GALC: variants seen among roughly 807,000 people sequenced by gnomAD.
GALC encodes the protein galactosylceramidase, also known as galactocerebrosidase.
Under a neutral mutation model 91.8 loss-of-function variants are expected in GALC, and 77 were observed. The ratio of observed to expected loss-of-function variants is 0.84; its 90% CI spans 0.70 to 1.01. The LOEUF (loss-of-function observed/expected upper bound fraction) is 1.01. Ranked by LOEUF, GALC falls within the 50% of genes least tolerant of loss-of-function variation. The probability of loss-of-function intolerance (pLI) is 0.00; values close to 1 mark genes in which losing one functional copy is unlikely to be tolerated. For missense variants in GALC, 882 were observed against 855.9 expected, an observed-to-expected ratio of 1.03 and a Z score of -0.38; for synonymous variants, 357 against 306.7, an observed-to-expected ratio of 1.16 and a Z score of -1.71.
chr14:87,989,313 T>C (rs1567015422), intron 1 of GALC, among the ~76,000 whole-genome samples: 2 of 152,150 alleles, frequency 1.3e-5, no homozygotes, highest in South Asian at 2.1e-4. Context: ...AATACTTTTA[T>C]GGGGTTCAAC....
intron 16 of GALC, among the ~76,000 whole-genome samples, chr14:87,937,264 C>A (rs1479274695): frequency 2.9e-5 from 3 of 103,652 alleles, no homozygotes; most frequent in Non-Finnish European, 6.0e-5. Context: ...GACAAGGTCC[C>A]TGCTCTTATG....
At chr14:87,980,094 C>T (rs1166234460) in intron 6 of GALC, among the ~76,000 whole-genome samples, 2 of 152,032 alleles carry the variant, frequency 1.3e-5, no homozygotes, top group African/African-American at 4.8e-5. Flanking sequence ...TAAAATATGC[C>T]ATTATTGGCT....
chr14:87,933,950 C>T lies in GALC; in HGVS notation c.*782G>A, dbSNP rs941039886. 2.2e-5 allele frequency: 34 copies of T among 1,524,194 alleles called. No individual in the cohort carries two copies. Among genetic ancestry groups the T allele is most frequent in the African/African-American group, 1.9e-4 (14 of 72,696 alleles). The allele number at this position is 1,524,194 out of a possible 1,614,324, so 94.4% of individuals were successfully genotyped here. Reference sequence around the variant, plus strand: ...GCACAGTGAGATGAGGCTGAGGAAACGACTACAACAGCATTGGCTATATCA... The same window carrying T: ...GCACAGTGAGATGAGGCTGAGGAAATGACTACAACAGCATTGGCTATATCA... On this transcript the variant is annotated 3_prime_UTR_variant, in exon 17 of 17. Transcript: ENST00000261304.
intron 12 of GALC, among the ~76,000 whole-genome samples, chr14:87,948,259 T>C (rs17123933): frequency 0.095 from 14,446 of 151,966 alleles, 907 homozygotes; most frequent in African/African-American, 0.17. Flanking sequence ...GGTAAAAAAA[T>C]TCATAAAATA....
Position 87,963,434 on chromosome 14 carries a change from C to T in GALC, c.1111G>A (p.Val371Ile), listed in dbSNP as rs1482369082. The T allele has an allele frequency of 2.5e-6, 4 of 1,613,376 alleles. No homozygotes were observed. Among genetic ancestry groups the T allele is most frequent in the African/African-American group, 1.3e-5 (1 of 74,992 alleles). ...VGHLEKGGSYVALTDGLGNLT... is the reference protein window; with the variant it reads ...VGHLEKGGSYIALTDGLGNLT... Reference sequence around the variant, plus strand: ...TTCCCTAAGCCATCAGTCAGAGCTACGTAGCTTCCTCCTTTCTCTAAATGG... The same window carrying T: ...TTCCCTAAGCCATCAGTCAGAGCTATGTAGCTTCCTCCTTTCTCTAAATGG... The change falls in exon 10 of 17, where the codon GTA becomes ATA. Residue 371 changes from valine to isoleucine, a missense_variant. Transcript: ENST00000261304.
intron 5 of GALC, 126 bp from the exon 6 acceptor site, chr14:87,982,369 TG>T (rs1886787359): frequency 1.6e-6 from 1 of 631,692 alleles, no homozygotes; most frequent in South Asian, 2.0e-5. Context: ...TTTAACTTTA[TG>T]GGATATCCTG....
Position 87,934,637 on chromosome 14 carries a change from T to C in GALC, c.*95A>G. ...TTCATTATTTTTAGTCTCAAAAGCCTCATATACTGTTCCAATGAAACAAGA... is the reference window on the plus strand; with the variant it reads ...TTCATTATTTTTAGTCTCAAAAGCCCCATATACTGTTCCAATGAAACAAGA... On this transcript the variant is annotated 3_prime_UTR_variant, in exon 17 of 17. Transcript: ENST00000261304. 6.2e-7 allele frequency: 1 copy of C among 1,603,018 alleles called. No individual in the cohort carries two copies. The highest frequency in any genetic ancestry group is 2.2e-5 in the East Asian group (1 of 44,518).
chr14:87,968,909 G>C (rs1345718790), intron 7 of GALC, among the ~76,000 whole-genome samples: 1 of 152,060 alleles, frequency 6.6e-6, no homozygotes, highest in Non-Finnish European at 1.5e-5. Flanking sequence ...GGAGCTTGGG[G>C]CAATAGTAAA....
chr14:87,940,055 G>A, intron 15 of GALC, 74 bp from the exon 16 acceptor site: 6 of 1,180,210 alleles, frequency 5.1e-6, no homozygotes, highest in South Asian at 1.2e-5. Flanking sequence ...ATTCAGTGGG[G>A]TTCTTGAGTG....
intron 1 of GALC, among the ~76,000 whole-genome samples, chr14:87,988,842 C>T (rs1887078747): frequency 6.6e-6 from 1 of 152,234 alleles, no homozygotes; most frequent in African/African-American, 2.4e-5. Flanking sequence ...ACAACAATAT[C>T]TCAGGACTAA....
At chr14:87,953,275 C>T (rs539504248) in intron 10 of GALC, 265 of 1,491,264 alleles carry the variant, frequency 1.8e-4, no homozygotes, top group Non-Finnish European at 2.3e-4. Context: ...AGATAAAGGG[C>T]GGAGTCCTAT....
chr14:87,948,504 A>G (rs1216450258), intron 12 of GALC, among the ~76,000 whole-genome samples: 2 of 152,072 alleles, frequency 1.3e-5, no homozygotes, highest in Non-Finnish European at 2.9e-5. Context: ...TAAAGTGCTA[A>G]GCTTAGTGTG....
At position 87,939,862 on chromosome 14, in the gene GALC, C is replaced by T. The variant is rs559750170; in HGVS notation, c.1911+43G>A. 17 of 1,292,450 alleles carry T rather than the reference C, an allele frequency of 1.3e-5. No individual in the cohort carries two copies. In the Admixed American group the frequency reaches 2.7e-4, roughly 20 times the overall value. The allele number at this position is 1,292,450 out of a possible 1,614,324, so 80.1% of individuals were successfully genotyped here. A position where few individuals can be genotyped will look rare whatever the true frequency, so the allele number is the denominator to read the frequency against. On this transcript the variant is annotated intron_variant, in intron 16 of 16. Transcript: ENST00000261304. ...AACAGAAAATTATAGAAATGCACAA[C>T]AAAAGAGCATTTTACCTCCAGACTC...
intron 9 of GALC, 22 bp from the exon 10 acceptor site, chr14:87,963,533 C>T: frequency 6.3e-7 from 1 of 1,597,160 alleles, no homozygotes; most frequent in Non-Finnish European, 8.6e-7. Context: ...CAGAAAGTTC[C>T]AAATAAGACA....
Position 87,941,554 on chromosome 14 carries a change from T to C in GALC, c.1675A>G (p.Asn559Asp). ...ISIIGDYNWT[N>D]LTIKCDVYIE... ...TATACATCACACTTTATAGTCAGATTGGTCCTGCAAAATAAAACGGTTGAT... is the reference window on the plus strand; with the variant it reads ...TATACATCACACTTTATAGTCAGATCGGTCCTGCAAAATAAAACGGTTGAT... Residue 559 changes from asparagine (N) to aspartate (D), a missense_variant, in exon 15 of 17, where the codon AAT (asparagine) becomes GAT (aspartate). Asn to Asp is a conservative substitution (Grantham distance 23). Transcript: ENST00000261304. 1 of 1,570,726 alleles carries C rather than the reference T, an allele frequency of 6.4e-7. No individual in the cohort carries two copies. Among genetic ancestry groups the C allele is most frequent in the Non-Finnish European group, 8.8e-7 (1 of 1,140,876 alleles).
chr14:87,970,875 CAAAAA>C (rs557589251), intron 7 of GALC, among the ~76,000 whole-genome samples: 13,476 of 62,580 alleles, frequency 0.22, 623 homozygotes, highest in Non-Finnish European at 0.28. Flanking sequence ...GACTCTGTCT[CAAAAA>C]AAAAAAAAAA....
In GALC at chr14:87,988,525, T is replaced by A; in HGVS notation, c.196-2A>T. 6.8e-7 allele frequency: 1 copy of A among 1,466,054 alleles called. No individual in the cohort carries two copies. The highest frequency in any genetic ancestry group is 9.4e-7 in the Non-Finnish European group (1 of 1,067,688). 90.8% of individuals were successfully genotyped at this position (1,466,054 alleles called of 1,614,324 possible). A position where few individuals can be genotyped will look rare whatever the true frequency, so the allele number is the denominator to read the frequency against. ...ATTTACTAGAAGTCGGGAGGTTGCC[T>A]AAAAAAAAAAGTTTTCAAAAGTATG... On this transcript the variant is annotated splice_acceptor_variant, in intron 1 of 16. Coordinates refer to ENST00000261304, the MANE Select transcript of GALC (RefSeq NM_000153.4). LOFTEE classifies it high-confidence loss of function.
chr14:87,976,415 GACTCCCA>G lies in GALC; in HGVS notation c.688_694del (p.Trp230ProfsTer19), dbSNP rs780376041. 3.7e-6 allele frequency: 6 copies of G among 1,613,578 alleles called. No homozygotes were observed. The East Asian group carries it at 1.3e-4, about 36-fold the overall frequency. On this transcript the variant is annotated frameshift_variant, in exon 7 of 17. Coordinates refer to ENST00000261304, the MANE Select transcript of GALC (RefSeq NM_000153.4). LOFTEE classifies it high-confidence loss of function. The stretch of plus-strand genomic sequence containing the variant: ...ATCAAGGAGCATGGATGCAGAGATG[GACTCCCA>G]GAGATTATCACTTGCTATGATTTTC...
chr14:87,936,914 T>TA (rs60680373), intron 16 of GALC, among the ~76,000 whole-genome samples: 14,497 of 105,586 alleles, frequency 0.14, 1,535 homozygotes, highest in Middle Eastern at 0.18. Flanking sequence ...ATATATATAT[T>TA]TATTTATTTT....
Sources: allele counts gnomAD v4.1 joint callset (sites outside exome capture counted in the v4.1 genomes callset), GRCh38; gene constraint gnomAD v4.1.1; transcripts MANE v1.5; gene names NCBI Gene and HGNC (gene_info 2026-07-23, HGNC 2026-07-21).